The following NBEA variants were observed in gnomAD, a reference collection of about 807,000 sequenced individuals.
The protein encoded by NBEA is lysosomal-trafficking regulator 2.
A neutral mutation model predicts 343.4 loss-of-function variants in NBEA; 44 were observed. The ratio of observed to expected loss-of-function variants is 0.13; its 90% CI spans 0.10 to 0.16. NBEA has a LOEUF of 0.16. Among genes scored for constraint, NBEA ranks in the 10% least tolerant of loss-of-function variants. The probability of loss-of-function intolerance (pLI) is 1.00; values close to 1 mark genes in which losing one functional copy is unlikely to be tolerated. For synonymous variants in NBEA, 1,175 were observed against 1,238.7 expected, an observed-to-expected ratio of 0.95 and a Z score of 1.08; for missense variants, 2,555 against 3,631.3, an observed-to-expected ratio of 0.70 and a Z score of 7.62.
At chr13:35,344,199 G>A (rs1197382232) in intron 36 of NBEA, among the ~76,000 whole-genome samples, 1 of 151,924 alleles carries the variant, frequency 6.6e-6, no homozygotes, top group Non-Finnish European at 1.5e-5. Flanking sequence ...AACATAAAAA[G>A]TATTTAGACT....
intron 18 of NBEA, among the ~76,000 whole-genome samples, chr13:35,149,806 T>C (rs1343858785): frequency 6.6e-6 from 1 of 152,210 alleles, no homozygotes; most frequent in Non-Finnish European, 1.5e-5. Context: ...TAACATAATA[T>C]GTTGAATTTG....
chr13:34,976,650 TTTTG>T (rs1368343978), intron 1 of NBEA, among the ~76,000 whole-genome samples: 1 of 150,558 alleles, frequency 6.6e-6, no homozygotes, highest in Non-Finnish European at 1.5e-5. Flanking sequence ...TTTCTTTGTT[TTTTG>T]TTTTTTTTTT....
intron 41 of NBEA, among the ~76,000 whole-genome samples, chr13:35,486,608 A>C (rs1162504687): frequency 2.6e-5 from 4 of 152,070 alleles, no homozygotes; most frequent in Non-Finnish European, 5.9e-5. Flanking sequence ...TTGCAGAGCC[A>C]GGTCTGTCTG....
chr13:35,501,936 T>C (rs2076905567), intron 41 of NBEA, among the ~76,000 whole-genome samples: 1 of 152,168 alleles, frequency 6.6e-6, no homozygotes, highest in Non-Finnish European at 1.5e-5. Context: ...TGCATACATG[T>C]GTATATACAC....
At chr13:35,624,906 C>T (rs530966728) in intron 48 of NBEA, among the ~76,000 whole-genome samples, 11 of 152,010 alleles carry the variant, frequency 7.2e-5, no homozygotes, top group Non-Finnish European at 1.2e-4. Flanking sequence ...CTGTAAATAA[C>T]GGCAGCTTTA....
chr13:35,033,552 G>C (rs1337977511), intron 1 of NBEA, among the ~76,000 whole-genome samples: 1 of 151,904 alleles, frequency 6.6e-6, no homozygotes, highest in African/African-American at 2.4e-5. Flanking sequence ...GATGTCATTG[G>C]TATTTTGATA....
chr13:35,393,918 A>G (rs1449585901), intron 38 of NBEA, among the ~76,000 whole-genome samples: 2 of 152,100 alleles, frequency 1.3e-5, no homozygotes, highest in East Asian at 3.9e-4. Flanking sequence ...TTCCCTGGGG[A>G]TATGTGTTAA....
chr13:35,163,617 C>CAA (rs56961670), intron 23 of NBEA, among the ~76,000 whole-genome samples: 5,310 of 125,542 alleles, frequency 0.042, 304 homozygotes, highest in African/African-American at 0.14. Flanking sequence ...GATCCTTTCT[C>CAA]AAAAAAAAAA....
chr13:35,323,605 C>A (rs2038330437), intron 36 of NBEA, among the ~76,000 whole-genome samples: 1 of 150,902 alleles, frequency 6.6e-6, no homozygotes, highest in Non-Finnish European at 1.5e-5. Context: ...GGGAGATATA[C>A]CTAATGCTAG....
intron 34 of NBEA, among the ~76,000 whole-genome samples, chr13:35,244,729 A>T (rs1463568032): frequency 6.6e-6 from 1 of 152,104 alleles, no homozygotes; most frequent in African/African-American, 2.4e-5. Flanking sequence ...CATTTTCACA[A>T]TATTGATTCT....
rs182576954 is a variant in NBEA, at chr13:35,611,578, C to T, written c.7449+5000C>T. ...ATTTTCACCACCCCAGAAAGATTCC[C>T]TGCCCACCTCCAGCCCAAGGCAACT... On this transcript the variant is annotated intron_variant, in intron 48 of 58. Coordinates refer to ENST00000379939, the MANE Select transcript of NBEA (RefSeq NM_001385012.1). Among the ~76,000 whole-genome samples the T allele has an allele frequency of 2.4e-4, 36 of 152,304 alleles. No homozygotes were observed. In the East Asian group the frequency reaches 6.8e-3, roughly 29 times the overall value.
chr13:35,368,023 A>G (rs185151243), intron 38 of NBEA, among the ~76,000 whole-genome samples: 2 of 151,700 alleles, frequency 1.3e-5, no homozygotes, highest in African/African-American at 4.8e-5. Context: ...TGTTATGGGC[A>G]GAGTTATGTG....
chr13:35,179,247 A>G (rs1487491204), intron 28 of NBEA, among the ~76,000 whole-genome samples: 1 of 151,590 alleles, frequency 6.6e-6, no homozygotes, highest in Non-Finnish European at 1.5e-5. Context: ...TTAACTGGAA[A>G]CTTAGGATAA....
intron 10 of NBEA, among the ~76,000 whole-genome samples, chr13:35,093,973 ATAC>A (rs2152631988): frequency 6.6e-6 from 1 of 151,898 alleles, no homozygotes; most frequent in East Asian, 1.9e-4. Context: ...TACATACTAT[ATAC>A]TAATATATAG....
At chr13:35,596,143 T>C (rs1253307402) in intron 47 of NBEA, among the ~76,000 whole-genome samples, 1 of 151,828 alleles carries the variant, frequency 6.6e-6, no homozygotes, top group African/African-American at 2.4e-5. Flanking sequence ...CAGTCAAATA[T>C]ATTTATATTC....
At chr13:35,213,287 G>C (rs753107955) in intron 33 of NBEA, among the ~76,000 whole-genome samples, 10 of 151,940 alleles carry the variant, frequency 6.6e-5, no homozygotes, top group Non-Finnish European at 1.3e-4. Context: ...CTTGATTATG[G>C]TTCAGCAAGC....
intron 18 of NBEA, among the ~76,000 whole-genome samples, chr13:35,144,507 A>G (rs1355286028): frequency 6.6e-5 from 10 of 151,834 alleles, no homozygotes; most frequent in Admixed American, 6.6e-4. Context: ...GGTCTTGTCA[A>G]CCCCTAGTTT....
At chr13:35,475,506 C>T in intron 41 of NBEA, 2 of 1,612,396 alleles carry the variant, frequency 1.2e-6, no homozygotes, top group Non-Finnish European at 8.5e-7. Context: ...ACTCCTTGGA[C>T]AAGAGATTGA....
intron 41 of NBEA, chr13:35,474,418 A>G (rs1351151653): frequency 6.5e-6 from 1 of 152,706 alleles, no homozygotes; most frequent in Non-Finnish European, 1.5e-5. Flanking sequence ...AAATAGAACA[A>G]GCAATATTTG....
Sources: allele counts gnomAD v4.1 joint callset (sites outside exome capture counted in the v4.1 genomes callset), GRCh38; gene constraint gnomAD v4.1.1; transcripts MANE v1.5; gene names NCBI Gene and HGNC (gene_info 2026-07-23, HGNC 2026-07-21).